RBFOX3: variants seen among roughly 807,000 people sequenced by gnomAD.
The protein encoded by RBFOX3 is RNA binding protein fox-1 homolog 3.
In RBFOX3, 17 loss-of-function variants were observed where a neutral mutation model predicts 48.7. The observed-to-expected ratio is 0.35, with a 90% confidence interval of 0.24 to 0.52. The LOEUF is 0.52. RBFOX3 is among the 20% of genes least tolerant of loss of function. The probability of loss-of-function intolerance (pLI) is 0.94; values close to 1 mark genes in which losing one functional copy is unlikely to be tolerated. For synonymous variants in RBFOX3, 212 were observed against 209.5 expected, an observed-to-expected ratio of 1.01 and a Z score of -0.10; for missense variants, 382 against 497.5, an observed-to-expected ratio of 0.77 and a Z score of 2.21.
chr17:79,230,611 T>A (rs2147762749), intron 4 of RBFOX3, among the ~76,000 whole-genome samples: 1 of 152,264 alleles, frequency 6.6e-6, no homozygotes, highest in South Asian at 2.1e-4. Flanking sequence ...TGTGAAGCAG[T>A]CTTGCTAAGC....
At chr17:79,339,292 G>C (rs558897689) in intron 2 of RBFOX3, among the ~76,000 whole-genome samples, 1 of 152,292 alleles carries the variant, frequency 6.6e-6, no homozygotes, top group East Asian at 1.9e-4. Context: ...CTGAGCTCGA[G>C]TGATCCTCTT....
chr17:79,108,227 G>A (rs560583028), intron 5 of RBFOX3, among the ~76,000 whole-genome samples: 151 of 152,340 alleles, frequency 9.9e-4, no homozygotes, highest in Non-Finnish European at 1.8e-3. Flanking sequence ...CAGCCGTCTG[G>A]ATCCTTTCTG....
chr17:79,618,777 G>A, the RBFOX3 span, among the ~76,000 whole-genome samples: 1 of 152,176 alleles, frequency 6.6e-6, no homozygotes, highest in Non-Finnish European at 1.5e-5. Context: ...TGTAGGCAAA[G>A]CGTCTGAATG....
At chr17:79,555,758 T>C (rs1044653412) in intron 1 of RBFOX3, among the ~76,000 whole-genome samples, 1 of 152,242 alleles carries the variant, frequency 6.6e-6, no homozygotes, top group Non-Finnish European at 1.5e-5. Flanking sequence ...GTGGTGGTGG[T>C]GATGGCGATG....
At position 79,390,018 on chromosome 17, in the gene RBFOX3, G is replaced by A. The variant is rs925765075; in HGVS notation, c.-174-82194C>T. On this transcript the variant is annotated intron_variant, in intron 2 of 14. Coordinates refer to ENST00000693108, the MANE Select transcript of RBFOX3 (RefSeq NM_001350451.2). The surrounding 1 kb of genome is among the most constrained non-coding windows in gnomAD (Gnocchi z 4.2). ...AGGTCTCCGCAGCCTCCAGGTCTCC[G>A]CAGCCTCCAGGTCTCCGTAGCCTCC... is the stretch of plus-strand genomic sequence containing the variant. Among the ~76,000 whole-genome samples the A allele has an allele frequency of 2.3e-5, 3 of 128,958 alleles. No homozygotes were observed. The highest frequency in any genetic ancestry group is 7.5e-5 in the Admixed American group (1 of 13,392). The allele number at this position is 128,958 out of a possible 152,430, so 84.6% of individuals were successfully genotyped here. A position where few individuals can be genotyped will look rare whatever the true frequency, so the allele number is the denominator to read the frequency against.
intron 2 of RBFOX3, among the ~76,000 whole-genome samples, chr17:79,345,987 C>A (rs561029767): frequency 1.1e-4 from 16 of 152,210 alleles, no homozygotes; most frequent in African/African-American, 3.6e-4. Context: ...GTGGTGTGAT[C>A]TTGGCTCACT....
chr17:79,447,876 C>G (rs144391132), intron 2 of RBFOX3, among the ~76,000 whole-genome samples: 23 of 152,238 alleles, frequency 1.5e-4, no homozygotes, highest in African/African-American at 4.8e-4. Context: ...GGGGGAGGGA[C>G]CTGGTGGGAG....
Position 79,195,500 on chromosome 17 carries a change from C to A in RBFOX3, c.-34+40266G>T, listed in dbSNP as rs1467270379. ...CAAGTCTGTGTGGGCAGGAAGCCTGCCCTGATCTCCCCATCCCAAAACACA... is the reference window on the plus strand; with the variant it reads ...CAAGTCTGTGTGGGCAGGAAGCCTGACCTGATCTCCCCATCCCAAAACACA... On this transcript the variant is annotated intron_variant, in intron 4 of 14. Coordinates refer to ENST00000693108, the MANE Select transcript of RBFOX3 (RefSeq NM_001350451.2). This position sits in a 1 kb window ranked among gnomAD's most constrained non-coding sequence, Gnocchi z 5.3. Among the ~76,000 whole-genome samples the A allele has an allele frequency of 6.6e-6, 1 of 152,178 alleles. No individual in the cohort carries two copies. Among genetic ancestry groups the A allele is most frequent in the African/African-American group, 2.4e-5 (1 of 41,434 alleles).
chr17:79,650,508 C>T, the RBFOX3 span, among the ~76,000 whole-genome samples: 4 of 152,124 alleles, frequency 2.6e-5, no homozygotes, highest in Non-Finnish European at 5.9e-5. Context: ...GCCGCTCTCC[C>T]ACCCACTGAG....
rs1244091130 is a variant in RBFOX3, at chr17:79,305,491, GC to G, written c.-74+2232del. ...CGTGTTTCCACCTCCATTTCCCAAG[GC>G]AGGGCAGAGCCCTGCCCCCTTGTCC... On this transcript the variant is annotated intron_variant, in intron 3 of 14. Transcript: ENST00000693108. Among the ~76,000 whole-genome samples, 6 of 152,272 alleles carry G rather than the reference GC, an allele frequency of 3.9e-5. No individual in the cohort carries two copies. The East Asian group carries it at 1.2e-3, about 29-fold the overall frequency.
chr17:79,620,558 T>A, the RBFOX3 span, among the ~76,000 whole-genome samples: 1 of 130,338 alleles, frequency 7.7e-6, no homozygotes, highest in African/African-American at 3.0e-5. Flanking sequence ...TGCACACATG[T>A]GCACACCCGC....
intron 3 of RBFOX3, among the ~76,000 whole-genome samples, chr17:79,250,058 G>T (rs1394544325): frequency 6.6e-6 from 1 of 152,190 alleles, no homozygotes; most frequent in African/African-American, 2.4e-5. Context: ...CTCAGAGGCT[G>T]CTGGCTCAAC....
intron 4 of RBFOX3, among the ~76,000 whole-genome samples, chr17:79,125,527 G>C (rs765735995): frequency 3.9e-5 from 6 of 152,230 alleles, no homozygotes; most frequent in Non-Finnish European, 5.9e-5. Flanking sequence ...CCCAGCCTGC[G>C]TGTGGGACAA....
intron 3 of RBFOX3, among the ~76,000 whole-genome samples, chr17:79,264,973 G>A (rs1014509464): frequency 2.0e-5 from 3 of 151,962 alleles, no homozygotes; most frequent in African/African-American, 4.8e-5. Context: ...GGAGGGGGGG[G>A]GGGCGCAGAT....
rs1267892294 is a variant in RBFOX3 at position 79,363,959 on chromosome 17, G to A, written c.-174-56135C>T. Among the ~76,000 whole-genome samples the A allele has an allele frequency of 1.3e-5, 2 of 152,086 alleles. No homozygotes were observed. The highest frequency in any genetic ancestry group is 4.8e-5 in the African/African-American group (2 of 41,412). The stretch of plus-strand genomic sequence containing the variant: ...GCCTCCAGCTCCTCCACAAATCACA[G>A]CCTGTGCTCCACCACGCCCTCCTTT... On this transcript the variant is annotated intron_variant, in intron 2 of 14. Transcript: ENST00000693108. This position sits in a 1 kb window ranked among gnomAD's most constrained non-coding sequence, Gnocchi z 4.7.
chr17:79,139,280 C>T (rs1467281009), intron 4 of RBFOX3, among the ~76,000 whole-genome samples: 1 of 152,156 alleles, frequency 6.6e-6, no homozygotes, highest in African/African-American at 2.4e-5. Flanking sequence ...ACACAGGCAT[C>T]AGGCAGGGCT....
At position 79,268,790 on chromosome 17, in the gene RBFOX3, G is replaced by T. The variant is rs140159189; in HGVS notation, c.-73-32985C>A. 2.6e-5 allele frequency among the ~76,000 whole-genome samples: 4 copies of T among 152,144 alleles called. No individual in the cohort carries two copies. The East Asian group carries it at 7.7e-4, about 29-fold the overall frequency. On this transcript the variant is annotated intron_variant, in intron 3 of 14. Coordinates refer to ENST00000693108, the MANE Select transcript of RBFOX3 (RefSeq NM_001350451.2). ...CCCGGACCTCATCCCAACCTGTGCT[G>T]CCCGCTGCCTGCCACCCTCTTTCCT...
intron 3 of RBFOX3, among the ~76,000 whole-genome samples, chr17:79,280,061 C>A (rs986761042): frequency 1.3e-5 from 2 of 151,978 alleles, no homozygotes; most frequent in African/African-American, 4.8e-5. Context: ...ATGGGAAGAG[C>A]GAAGCAGCAG....
At chr17:79,382,305 C>T (rs1180320320) in intron 2 of RBFOX3, among the ~76,000 whole-genome samples, 2 of 152,226 alleles carry the variant, frequency 1.3e-5, no homozygotes, top group Non-Finnish European at 2.9e-5. Context: ...CAGGCTTCCA[C>T]TGCATCCCTG....
Sources: allele counts gnomAD v4.1 joint callset (sites outside exome capture counted in the v4.1 genomes callset), GRCh38; gene constraint gnomAD v4.1.1; non-coding constraint Gnocchi (gnomAD v3.1); transcripts MANE v1.5; gene names NCBI Gene and HGNC (gene_info 2026-07-23, HGNC 2026-07-21).